Variants in NAP1L3 observed in about 807,000 individuals in gnomAD.
NAP1L3 encodes nucleosome assembly protein 1 like 3.
For synonymous variants in NAP1L3, 127 were observed against 131.9 expected, an observed-to-expected ratio of 0.96 and a Z score of 0.25; for missense variants, 378 against 369.9, an observed-to-expected ratio of 1.02 and a Z score of -0.18.
At position 93,672,110 on chromosome X, in the gene NAP1L3, A is replaced by G; in HGVS notation, c.1195T>C (p.Cys399Arg). ...FFSWGWEIED[C>R]KGCKIDWRRG... The stretch of plus-strand genomic sequence containing the variant: ...CTCCAGTCTATCTTGCAGCCTTTGC[A>G]ATCTTCAATTTCCCATCCCCAAGAA... The change falls in exon 1 of 1, where the codon TGC (cysteine) becomes CGC (arginine). Residue 399 changes from cysteine to arginine, a missense_variant. Coordinates refer to ENST00000373079, the MANE Select transcript of NAP1L3 (RefSeq NM_004538.6). The G allele has an allele frequency of 8.3e-7, 1 of 1,210,477 alleles. No individual in the cohort carries two copies. The highest frequency in any genetic ancestry group is 1.1e-6 in the Non-Finnish European group (1 of 894,771).
At position 93,671,540 on chromosome X, in the gene NAP1L3, T is replaced by A; in HGVS notation, c.*244A>T. The A allele has an allele frequency of 2.9e-6, 1 of 339,723 alleles. No homozygotes were observed. The highest frequency in any genetic ancestry group is 5.0e-5 in the East Asian group (1 of 19,857). 28.0% of individuals were successfully genotyped at this position (339,723 alleles called of 1,213,427 possible). A position where few individuals can be genotyped will look rare whatever the true frequency, so the allele number is the denominator to read the frequency against. ...TAGCACCAAACTAACATGCTTTAGA[T>A]AATTGACAACAGCTTACATATTTTG... On this transcript the variant is annotated 3_prime_UTR_variant, in exon 1 of 1. Coordinates refer to ENST00000373079, the MANE Select transcript of NAP1L3 (RefSeq NM_004538.6).
At position 93,673,390 on chromosome X, in the gene NAP1L3, G is replaced by A; in HGVS notation, c.-86C>T. The A allele has an allele frequency of 8.9e-7, 1 of 1,124,328 alleles. No homozygotes were observed. The highest frequency in any genetic ancestry group is 1.2e-6 in the Non-Finnish European group (1 of 852,518). The allele number at this position is 1,124,328 out of a possible 1,213,427, so 92.7% of individuals were successfully genotyped here. A position where few individuals can be genotyped will look rare whatever the true frequency, so the allele number is the denominator to read the frequency against. On this transcript the variant is annotated 5_prime_UTR_variant, in exon 1 of 1. Transcript: ENST00000373079. ...TCACGGATGCTTGAGTGGCGGCGGC[G>A]GAGGCCCGGGCTGCGGAGGTGGCAG...
At position 93,672,483 on chromosome X, in the gene NAP1L3, C is replaced by T. The variant is rs371459223; in HGVS notation, c.822G>A (p.Arg274=). The T allele has an allele frequency of 1.7e-6, 2 of 1,209,607 alleles. No homozygotes were observed. The highest frequency in any genetic ancestry group is 3.5e-5 in the African/African-American group (2 of 57,069). The change falls in exon 1 of 1, where the codon AGG becomes AGA. Residue 274 remains arginine, a synonymous_variant. Coordinates refer to ENST00000373079, the MANE Select transcript of NAP1L3 (RefSeq NM_004538.6). ...TTTTATGAGTCTCTCTTACTGCAGC[C>T]CTTGCCTTAGCCTCTGTTGCTTTAG... is the stretch of plus-strand genomic sequence containing the variant. ...EQPKATEAKA[R]AAVRETHKRV...
Position 93,673,103 on chromosome X carries a change from T to TGCTGCC in NAP1L3, c.196_201dup (p.Gly66_Ser67dup). On this transcript the variant is annotated inframe_insertion, in exon 1 of 1. Transcript: ENST00000373079. The stretch of plus-strand genomic sequence containing the variant: ...CTATACAAGCGGCTGCGGCTGCTAG[T>TGCTGCC]GCTGCCGCTGCTGCTGCTGCTGCTG... 1.7e-6 allele frequency: 2 copies of TGCTGCC among 1,204,865 alleles called. No individual in the cohort carries two copies. Among genetic ancestry groups the TGCTGCC allele is most frequent in the South Asian group, 1.8e-5 (1 of 56,599 alleles).
At position 93,673,109 on chromosome X, in the gene NAP1L3, C is replaced by CGCTGCTGCT. The variant is rs762061463; in HGVS notation, c.187_195dup (p.Ser63_Ser65dup). On this transcript the variant is annotated inframe_insertion, in exon 1 of 1. Transcript: ENST00000373079. ...AAGCGGCTGCGGCTGCTAGTGCTGC[C>CGCTGCTGCT]GCTGCTGCTGCTGCTGCTGCCGCTG... 15 of 1,203,101 alleles carry CGCTGCTGCT rather than the reference C, an allele frequency of 1.2e-5. No individual in the cohort carries two copies. The East Asian group carries it at 2.4e-4, about 19-fold the overall frequency.
chrX:93,673,379 G>A lies in NAP1L3; in HGVS notation c.-75C>T, dbSNP rs1043510426. On this transcript the variant is annotated 5_prime_UTR_variant, in exon 1 of 1. Transcript: ENST00000373079. ...CAGAAAATGACTCACGGATGCTTGAGTGGCGGCGGCGGAGGCCCGGGCTGC... is the reference window on the plus strand; with the variant it reads ...CAGAAAATGACTCACGGATGCTTGAATGGCGGCGGCGGAGGCCCGGGCTGC... The A allele has an allele frequency of 6.2e-6, 7 of 1,133,419 alleles. No homozygotes were observed. The highest frequency in any genetic ancestry group is 8.2e-6 in the Non-Finnish European group (7 of 857,770). 93.4% of individuals were successfully genotyped at this position (1,133,419 alleles called of 1,213,427 possible).
chrX:93,673,449 G>C lies in NAP1L3; in HGVS notation c.-145C>G, dbSNP rs1924459577. 1 of 993,906 alleles carries C rather than the reference G, an allele frequency of 1.0e-6. No individual in the cohort carries two copies. Among genetic ancestry groups the C allele is most frequent in the Non-Finnish European group, 1.3e-6 (1 of 752,871 alleles). The allele number at this position is 993,906 out of a possible 1,213,427, so 81.9% of individuals were successfully genotyped here. On this transcript the variant is annotated 5_prime_UTR_variant, in exon 1 of 1. Transcript: ENST00000373079. ...GCAGCAGCGGCGCAGAGCGGAGCTGGAGCTGGGGATGCAGAGGCCGGCGCT... is the reference window on the plus strand; with the variant it reads ...GCAGCAGCGGCGCAGAGCGGAGCTGCAGCTGGGGATGCAGAGGCCGGCGCT...
chrX:93,671,609 T>C lies in NAP1L3; in HGVS notation c.*175A>G. 1 of 724,562 alleles carries C rather than the reference T, an allele frequency of 1.4e-6. No individual in the cohort carries two copies. The highest frequency in any genetic ancestry group is 1.9e-6 in the Non-Finnish European group (1 of 525,763). The allele number at this position is 724,562 out of a possible 1,213,427, so 59.7% of individuals were successfully genotyped here. The stretch of plus-strand genomic sequence containing the variant: ...CAGCCTAGATAGAATAAACTGGCAC[T>C]TAGACACTTTTTAGGACTATTTTTA... On this transcript the variant is annotated 3_prime_UTR_variant, in exon 1 of 1. Coordinates refer to ENST00000373079, the MANE Select transcript of NAP1L3 (RefSeq NM_004538.6).
Position 93,672,677 on chromosome X carries a change from G to A in NAP1L3, c.628C>T (p.Pro210Ser). 4.1e-6 allele frequency: 5 copies of A among 1,210,447 alleles called. No homozygotes were observed. Among genetic ancestry groups the A allele is most frequent in the Non-Finnish European group, 5.6e-6 (5 of 895,346 alleles). The change falls in exon 1 of 1, where the codon CCT (proline) becomes TCT (serine). Residue 210 changes from proline to serine, a missense_variant. Physicochemically the swap from Pro to Ser is moderately conservative, Grantham distance 74. Coordinates refer to ENST00000373079, the MANE Select transcript of NAP1L3 (RefSeq NM_004538.6). ...TCCTTCACCTCAGGAATTTCTTTAGGAACTTCCTTCTCTTCAGCTTTCACC... is the reference window on the plus strand; with the variant it reads ...TCCTTCACCTCAGGAATTTCTTTAGAAACTTCCTTCTCTTCAGCTTTCACC... ...PEVKAEEKEV[P>S]KEIPEVKDEE...
Position 93,673,085 on chromosome X carries a change from A to AGCGGCT in NAP1L3, c.214_219dup (p.Ser72_Arg73dup), listed in dbSNP as rs1427923276. The stretch of plus-strand genomic sequence containing the variant: ...TCAGGTACCCTCTTCTTTCTATACA[A>AGCGGCT]GCGGCTGCGGCTGCTAGTGCTGCCG... On this transcript the variant is annotated inframe_insertion, in exon 1 of 1. Coordinates refer to ENST00000373079, the MANE Select transcript of NAP1L3 (RefSeq NM_004538.6). 1.6e-5 allele frequency: 19 copies of AGCGGCT among 1,206,835 alleles called. No individual in the cohort carries two copies. Among genetic ancestry groups the AGCGGCT allele is most frequent in the Non-Finnish European group, 2.0e-5 (18 of 894,183 alleles).
rs1055510848 is a variant in NAP1L3 at position 93,671,521 on chromosome X, C to A, written c.*263G>T. ...CACAAAAATCAACACTGTGTAGCAC[C>A]AAACTAACATGCTTTAGATAATTGA... On this transcript the variant is annotated 3_prime_UTR_variant, in exon 1 of 1. Coordinates refer to ENST00000373079, the MANE Select transcript of NAP1L3 (RefSeq NM_004538.6). The A allele has an allele frequency of 3.2e-5, 9 of 281,989 alleles. No homozygotes were observed. The highest frequency in any genetic ancestry group is 2.5e-4 in the African/African-American group (9 of 36,340). The allele number at this position is 281,989 out of a possible 1,213,427, so 23.2% of individuals were successfully genotyped here.
In NAP1L3 at chrX:93,673,069, CT is replaced by C; in HGVS notation, c.235del (p.Arg79GlyfsTer43). ...CGCCCTTCTGGAAGGCTCAGGTACCCTCTTCTTTCTATACAAGCGGCTGCGG... is the reference window on the plus strand; with the variant it reads ...CGCCCTTCTGGAAGGCTCAGGTACCCCTTCTTTCTATACAAGCGGCTGCGG... ...SSRSRLYRKK[R>X]VPEPSRRARR... is the part of the protein sequence containing the mutation. On this transcript the variant is annotated frameshift_variant, in exon 1 of 1. Transcript: ENST00000373079. LOFTEE classifies it low-confidence loss of function (END_TRUNC). 8.3e-7 allele frequency: 1 copy of C among 1,210,961 alleles called. No individual in the cohort carries two copies. Among genetic ancestry groups the C allele is most frequent in the Non-Finnish European group, 1.1e-6 (1 of 895,321 alleles).
chrX:93,673,510 G>A lies in NAP1L3; in HGVS notation c.-206C>T, dbSNP rs1255537376. ...CGGCAGTGGAGGCTTGGGCGACAGCGGTGGCGGCAAGGCCTCTCCCGGCTG... is the reference window on the plus strand; with the variant it reads ...CGGCAGTGGAGGCTTGGGCGACAGCAGTGGCGGCAAGGCCTCTCCCGGCTG... On this transcript the variant is annotated 5_prime_UTR_variant, in exon 1 of 1. Transcript: ENST00000373079. 8.3e-6 allele frequency: 5 copies of A among 605,316 alleles called. No homozygotes were observed. Among genetic ancestry groups the A allele is most frequent in the African/African-American group, 2.4e-5 (1 of 42,410 alleles). The allele number at this position is 605,316 out of a possible 1,213,427, so 49.9% of individuals were successfully genotyped here. A position where few individuals can be genotyped will look rare whatever the true frequency, so the allele number is the denominator to read the frequency against.
chrX:93,672,708 G>C lies in NAP1L3; in HGVS notation c.597C>G (p.Asn199Lys). ...CCTTCTCTTCAGCTTTCACCTCTGG[G>C]TTTTCTTTAGGGTTTTCTTCTTCCT... is the stretch of plus-strand genomic sequence containing the variant. ...EGEEEENPKE[N>K]PEVKAEEKEV... is the part of the protein sequence containing the mutation. Residue 199 changes from asparagine to lysine, a missense_variant, in exon 1 of 1, where the codon AAC becomes AAG. By Grantham distance (94) the Asn-to-Lys change is moderately conservative. Coordinates refer to ENST00000373079, the MANE Select transcript of NAP1L3 (RefSeq NM_004538.6). The C allele has an allele frequency of 8.3e-7, 1 of 1,210,466 alleles. No homozygotes were observed. Among genetic ancestry groups the C allele is most frequent in the Non-Finnish European group, 1.1e-6 (1 of 895,321 alleles).
rs367668551 is a variant in NAP1L3 at position 93,672,466 on chromosome X, G to A, written c.839C>T (p.Thr280Ile). Residue 280 changes from threonine (T) to isoleucine (I), a missense_variant, in exon 1 of 1, where the codon ACT (threonine) becomes ATT (isoleucine). Thr to Ile is a moderately conservative substitution (Grantham distance 89, BLOSUM62 -1). Coordinates refer to ENST00000373079, the MANE Select transcript of NAP1L3 (RefSeq NM_004538.6). Reference protein sequence around the residue: ...EAKARAAVRETHKRVPEERLQ... With the variant: ...EAKARAAVREIHKRVPEERLQ... ...CCTTTCCTCAGGAACTCTTTTATGA[G>A]TCTCTCTTACTGCAGCCCTTGCCTT... 15 of 1,209,458 alleles carry A rather than the reference G, an allele frequency of 1.2e-5. No individual in the cohort carries two copies. The highest frequency in any genetic ancestry group is 1.7e-5 in the Non-Finnish European group (15 of 895,163).
In NAP1L3 at chrX:93,672,439, A is replaced by C. The variant is rs1356208728; in HGVS notation, c.866T>G (p.Leu289Arg). ...ETHKRVPEER[L>R]QDSVDLKRAR... ...TCTTTTAAGATCTACACTGTCCTGA[A>C]GCCTTTCCTCAGGAACTCTTTTATG... Residue 289 changes from leucine (L) to arginine (R), a missense_variant, in exon 1 of 1, where the codon CTT (leucine) becomes CGT (arginine). Leu to Arg is a moderately radical substitution (Grantham distance 102). Coordinates refer to ENST00000373079, the MANE Select transcript of NAP1L3 (RefSeq NM_004538.6). The C allele has an allele frequency of 8.3e-7, 1 of 1,209,479 alleles. No individual in the cohort carries two copies. The highest frequency in any genetic ancestry group is 2.2e-5 in the Admixed American group (1 of 45,721).
chrX:93,671,705 GT>G lies in NAP1L3; in HGVS notation c.*78del. 2 of 1,106,968 alleles carry G rather than the reference GT, an allele frequency of 1.8e-6. No homozygotes were observed. The highest frequency in any genetic ancestry group is 2.4e-6 in the Non-Finnish European group (2 of 846,720). 91.2% of individuals were successfully genotyped at this position (1,106,968 alleles called of 1,213,427 possible). On this transcript the variant is annotated 3_prime_UTR_variant, in exon 1 of 1. Transcript: ENST00000373079. ...AATAGTGTTCAGGTTACAGGTCAGG[GT>G]TTTACTTTTTTCAAGGCTGTATGAA...
Position 93,672,234 on chromosome X carries a change from G to T in NAP1L3, c.1071C>A (p.Thr357=). 1 of 1,211,632 alleles carries T rather than the reference G, an allele frequency of 8.3e-7. No homozygotes were observed. Among genetic ancestry groups the T allele is most frequent in the Non-Finnish European group, 1.1e-6 (1 of 895,499 alleles). The change falls in exon 1 of 1, where the codon ACC becomes ACA. Residue 357 remains threonine, a synonymous_variant. Transcript: ENST00000373079. ...FSKPGQPVSY[T]FEFHFLPNPY... ...GGTTGGGTAGAAAATGAAATTCAAA[G>T]GTGTAACTTACAGGCTGGCCAGGTT...
rs765136890 is a variant in NAP1L3 at position 93,672,798 on chromosome X, C to T, written c.507G>A (p.Glu169=). The change falls in exon 1 of 1, where the codon GAG becomes GAA. Residue 169 remains glutamate, a synonymous_variant. Coordinates refer to ENST00000373079, the MANE Select transcript of NAP1L3 (RefSeq NM_004538.6). ...GCACCTCCTCATCACTGCTGAACTC[C>T]TCATCCTCTGAATTCCATTCACATT... is the stretch of plus-strand genomic sequence containing the variant. ...EEECEWNSED[E]EFSSDEEVQD... is the part of the protein sequence containing the mutation. 1.7e-6 allele frequency: 2 copies of T among 1,211,560 alleles called. No individual in the cohort carries two copies. The highest frequency in any genetic ancestry group is 3.0e-5 in the East Asian group (1 of 33,843).
Sources: gnomAD v4.1 joint callset for allele counts on GRCh38, gnomAD v4.1.1 for gene constraint, MANE v1.5 for transcripts, NCBI Gene and HGNC (gene_info 2026-07-23, HGNC 2026-07-21) for gene names.